GRM7: variants seen among roughly 807,000 people sequenced by gnomAD.
GRM7 encodes the protein glutamate metabotropic receptor 7, also known as metabotropic glutamate receptor 7.
Under a neutral mutation model 84.5 loss-of-function variants are expected in GRM7, and 35 were observed. The ratio of observed to expected loss-of-function variants is 0.41; its 90% CI spans 0.32 to 0.55. The LOEUF is 0.55. GRM7 is among the 20% of genes least tolerant of loss of function. The pLI is 0.19. For missense variants in GRM7, 1,003 were observed against 1,194.6 expected (o/e 0.84, Z 2.36); for synonymous variants, 487 against 455.1 (o/e 1.07, Z -0.89).
At chr3:7,466,309 A>C (rs1408146887) in intron 7 of GRM7, among the ~76,000 whole-genome samples, 1 of 152,156 alleles carries the variant, frequency 6.6e-6, no homozygotes, top group Non-Finnish European at 1.5e-5. Context: ...ACAGACAGGC[A>C]CTGGTTTAGA....
At chr3:7,637,122 G>A (rs951594555) in intron 8 of GRM7, among the ~76,000 whole-genome samples, 1 of 152,196 alleles carries the variant, frequency 6.6e-6, no homozygotes, top group African/African-American at 2.4e-5. Context: ...AAAATTTGAA[G>A]ACATGTCCCC....
chr3:7,114,479 A>G (rs1200435649), intron 1 of GRM7, among the ~76,000 whole-genome samples: 1 of 152,210 alleles, frequency 6.6e-6, no homozygotes, highest in African/African-American at 2.4e-5. Context: ...AAACAACAGA[A>G]TACATTTTTT....
chr3:7,402,299 G>A (rs1424308773), intron 4 of GRM7, among the ~76,000 whole-genome samples: 3 of 152,188 alleles, frequency 2.0e-5, no homozygotes, highest in Admixed American at 6.5e-5. Flanking sequence ...ACCTATAAAT[G>A]TGGAAGTGAT....
At chr3:6,971,173 CA>C (rs3063446) in intron 1 of GRM7, among the ~76,000 whole-genome samples, 10,796 of 134,324 alleles carry the variant, frequency 0.08, 489 homozygotes, top group Non-Finnish European at 0.11. Context: ...GATGATTCCA[CA>C]AAAAAAAAAA....
intron 7 of GRM7, among the ~76,000 whole-genome samples, chr3:7,574,453 C>G (rs1437026659): frequency 1.3e-5 from 2 of 152,196 alleles, no homozygotes; most frequent in Admixed American, 6.5e-5. Context: ...CCACTGTGCC[C>G]AGGTGCCTTG....
chr3:7,050,594 A>T (rs1423042891), intron 1 of GRM7, among the ~76,000 whole-genome samples: 2 of 151,894 alleles, frequency 1.3e-5, no homozygotes, highest in Non-Finnish European at 1.5e-5. Flanking sequence ...AAATCCATGC[A>T]TTTACTTTCA....
At chr3:7,045,429 C>A (rs1407284741) in intron 1 of GRM7, among the ~76,000 whole-genome samples, 2 of 152,236 alleles carry the variant, frequency 1.3e-5, no homozygotes, top group Middle Eastern at 3.4e-3. Context: ...CAAGAGGGAG[C>A]AATGACCCTA....
chr3:7,014,568 A>G (rs1695495261), intron 1 of GRM7, among the ~76,000 whole-genome samples: 1 of 152,054 alleles, frequency 6.6e-6, no homozygotes, highest in Non-Finnish European at 1.5e-5. Flanking sequence ...TGCCCACCTC[A>G]GCTTCCCAAA....
At chr3:7,418,899 T>G (rs549539312) in intron 5 of GRM7, among the ~76,000 whole-genome samples, 1 of 152,306 alleles carries the variant, frequency 6.6e-6, no homozygotes, top group East Asian at 1.9e-4. Context: ...TTTTAACCTC[T>G]CAAAGCCATT....
chr3:7,156,581 C>T (rs1694457100), intron 2 of GRM7, among the ~76,000 whole-genome samples: 1 of 152,040 alleles, frequency 6.6e-6, no homozygotes, highest in African/African-American at 2.4e-5. Flanking sequence ...GAACGCATCC[C>T]CATATCTGTT....
intron 1 of GRM7, among the ~76,000 whole-genome samples, chr3:6,943,150 T>A (rs1697946858): frequency 6.6e-6 from 1 of 151,998 alleles, no homozygotes; most frequent in Non-Finnish European, 1.5e-5. Flanking sequence ...GTTTTTCAGC[T>A]GGCAGCATAT....
In GRM7 at chr3:7,380,958, C is replaced by T. The variant is rs373146935; in HGVS notation, c.1034-34065C>T. On this transcript the variant is annotated intron_variant, in intron 4 of 9. Transcript: ENST00000357716. ...AAAATGGAGACTATAAAAGGAAGAC[C>T]GTGTGTTTTGAAGTCATAAGTCAAG... Among the ~76,000 whole-genome samples, 9 of 152,050 alleles carry T rather than the reference C, an allele frequency of 5.9e-5. No homozygotes were observed. In the East Asian group the frequency reaches 7.8e-4, roughly 13 times the overall value.
chr3:6,871,396 C>T lies in GRM7; in HGVS notation c.519+9489C>T, dbSNP rs192024795. Among the ~76,000 whole-genome samples the T allele has an allele frequency of 3.2e-3, 488 of 151,982 alleles. 3 individuals are homozygous for T. The highest frequency in any genetic ancestry group is 6.8e-3 in the Middle Eastern group (2 of 294). On this transcript the variant is annotated intron_variant, in intron 1 of 9. Coordinates refer to ENST00000357716, the MANE Select transcript of GRM7 (RefSeq NM_000844.4). Reference sequence around the variant, plus strand: ...AGTTGAAAATTTGTCATCACTGATACGCATGATGAAATTTAGGTAGTTACC... The same window carrying T: ...AGTTGAAAATTTGTCATCACTGATATGCATGATGAAATTTAGGTAGTTACC...
intron 8 of GRM7, among the ~76,000 whole-genome samples, chr3:7,600,529 G>A (rs1225177319): frequency 6.6e-6 from 1 of 152,148 alleles, no homozygotes; most frequent in East Asian, 1.9e-4. Flanking sequence ...ACAGAGTATA[G>A]TGAAATAGAG....
At chr3:7,235,487 C>G (rs1052534196) in intron 2 of GRM7, among the ~76,000 whole-genome samples, 2 of 152,158 alleles carry the variant, frequency 1.3e-5, no homozygotes, top group East Asian at 3.9e-4. Context: ...ATTATGCCCA[C>G]GTATTGATTG....
At chr3:7,322,290 T>G (rs1040332025) in intron 4 of GRM7, among the ~76,000 whole-genome samples, 1 of 70 alleles carries the variant, frequency 0.014, no homozygotes, top group Non-Finnish European at 0.029. Flanking sequence ...ATACTTGGGT[T>G]AAACATTTGC....
At chr3:7,443,644 A>C (rs1575343685) in intron 5 of GRM7, among the ~76,000 whole-genome samples, 1 of 152,246 alleles carries the variant, frequency 6.6e-6, no homozygotes, top group South Asian at 2.1e-4. Context: ...GAGCTTGATC[A>C]GGTTTATGTC....
intron 1 of GRM7, among the ~76,000 whole-genome samples, chr3:7,130,171 A>G (rs1040209938): frequency 2.6e-5 from 4 of 152,170 alleles, no homozygotes; most frequent in Admixed American, 2.6e-4. Context: ...AACGTCCCTT[A>G]TAACCTTGAG....
intron 9 of GRM7, among the ~76,000 whole-genome samples, chr3:7,727,969 A>G (rs947378431): frequency 1.3e-5 from 2 of 152,106 alleles, no homozygotes; most frequent in Admixed American, 6.5e-5. Context: ...CCAAGAAAGG[A>G]AAAAATAGTT....
Sources: gnomAD v4.1 joint callset for allele counts (sites outside exome capture counted in the v4.1 genomes callset) on GRCh38, gnomAD v4.1.1 for gene constraint, MANE v1.5 for transcripts, NCBI Gene and HGNC (gene_info 2026-07-23, HGNC 2026-07-21) for gene names.